The following THNSL2 variants were observed in gnomAD, a reference collection of about 807,000 sequenced individuals.
THNSL2 encodes the protein threonine synthase like 2.
A neutral mutation model predicts 40.0 loss-of-function variants in THNSL2; 34 were observed. The ratio of observed to expected loss-of-function variants is 0.85; its 90% confidence interval spans 0.65 to 1.13. THNSL2 has a LOEUF of 1.13. Ranked by LOEUF, THNSL2 falls within the 50% of genes most tolerant of loss-of-function variation. THNSL2 has a pLI of 0.00. For synonymous variants in THNSL2, 241 were observed against 247.5 expected (o/e 0.97, Z 0.25); for missense variants, 537 against 608.8 (o/e 0.88, Z 1.24).
chr2:88,185,569 GA>G (rs752110325), intron 8 of THNSL2, 90 bp downstream of exon 8: 3 of 1,551,722 alleles, frequency 1.9e-6, no homozygotes, highest in Non-Finnish European at 8.7e-7. Context: ...ACAGGACTAC[GA>G]AAAAATGGCT....
chr2:88,185,425 A>G lies in THNSL2; in HGVS notation c.1175A>G (p.His392Arg). ...GAGAACCAGTACTTGCTGTGCCCCC[A>G]CTCAGCGGTGGCCGTGAACTACCAT... ...WDENQYLLCP[H>R]SAVAVNYHYQ... is the part of the protein sequence containing the mutation. The change falls in exon 8 of 9, where the codon CAC becomes CGC. Residue 392 changes from histidine (H) to arginine (R), a missense_variant. Coordinates refer to ENST00000674334, the MANE Select transcript of THNSL2 (RefSeq NM_018271.5). The G allele has an allele frequency of 6.2e-7, 1 of 1,613,882 alleles. No individual in the cohort carries two copies. Among genetic ancestry groups the G allele is most frequent in the Non-Finnish European group, 8.5e-7 (1 of 1,179,964 alleles).
intron 1 of THNSL2, chr2:88,171,598 G>A (rs989951394): frequency 2.3e-5 from 5 of 218,986 alleles, no homozygotes; most frequent in East Asian, 2.7e-4. Context: ...GGCAGTTTGC[G>A]TTGGCTCTAA....
At position 88,183,148 on chromosome 2, in the gene THNSL2, G is replaced by A. The variant is rs1573207973; in HGVS notation, c.1077+75G>A. On this transcript the variant is annotated intron_variant, in intron 7 of 8. Transcript: ENST00000674334. ...AGCAGACTTGGGGTTTGGAAGTCTG[G>A]TCAAGGGAAGAGGACACCTGTTTCT... 3 of 1,559,266 alleles carry A rather than the reference G, an allele frequency of 1.9e-6. No individual in the cohort carries two copies. The East Asian group carries it at 6.8e-5, about 35-fold the overall frequency.
intron 4 of THNSL2, chr2:88,176,319 A>C (rs559044072): frequency 6.6e-6 from 1 of 152,254 alleles, no homozygotes; most frequent in Non-Finnish European, 1.5e-5. Flanking sequence ...CAGGCCATCT[A>C]TTCCTAATGG....
At chr2:88,171,434 C>T (rs1676364192) in intron 1 of THNSL2, 2 of 416,786 alleles carry the variant, frequency 4.8e-6, no homozygotes, top group Non-Finnish European at 9.7e-6. Context: ...ATATTCCTTC[C>T]ACCCAGGGAA....
Position 88,173,381 on chromosome 2 carries a change from C to T in THNSL2, c.223+8C>T, listed in dbSNP as rs570440662. On this transcript the variant is annotated splice_region_variant and intron_variant, in intron 2 of 8. Coordinates refer to ENST00000674334, the MANE Select transcript of THNSL2 (RefSeq NM_018271.5). ...CAAAAGATGAATTAAATGGTGAGTG[C>T]TCCCACCTGTACTTTCACTCTTCCA... 90 of 1,588,070 alleles carry T rather than the reference C, an allele frequency of 5.7e-5. No individual in the cohort carries two copies. In the South Asian group the frequency reaches 8.5e-4, roughly 15 times the overall value.
chr2:88,170,531 C>G (rs996480027), intron 1 of THNSL2, 75 bp downstream of exon 1: 1 of 152,490 alleles, frequency 6.6e-6, no homozygotes, highest in Non-Finnish European at 1.5e-5. Flanking sequence ...GCTCTCGCGG[C>G]TCCGTTCGGC....
At chr2:88,174,894 A>G (rs1168345308) in intron 3 of THNSL2, 61 bp downstream of exon 3, 8 of 1,566,018 alleles carry the variant, frequency 5.1e-6, no homozygotes, top group African/African-American at 1.4e-5. Context: ...GTGTCCACCT[A>G]TAGGATGCTG....
At position 88,174,448 on chromosome 2, in the gene THNSL2, A is replaced by T. The variant is rs185559810; in HGVS notation, c.224-191A>T. Among the ~76,000 whole-genome samples the T allele has an allele frequency of 3.9e-5, 6 of 152,350 alleles. No individual in the cohort carries two copies. In the East Asian group the frequency reaches 9.6e-4, roughly 24 times the overall value. On this transcript the variant is annotated intron_variant, in intron 2 of 8. Coordinates refer to ENST00000674334, the MANE Select transcript of THNSL2 (RefSeq NM_018271.5). ...AGGAAATCACTATAAGGAATCTATG[A>T]ACAGTTTGGTGCATGTTTTCCCAGA...
chr2:88,179,945 A>T (rs2104218502), intron 5 of THNSL2, among the ~76,000 whole-genome samples: 1 of 152,332 alleles, frequency 6.6e-6, no homozygotes, highest in Non-Finnish European at 1.5e-5. Flanking sequence ...GGCACCAAGG[A>T]TGGTCTAGCT....
rs1021403576 is a variant in THNSL2, at chr2:88,185,197, C to G, written c.1078-131C>G. On this transcript the variant is annotated intron_variant, in intron 7 of 8. Coordinates refer to ENST00000674334, the MANE Select transcript of THNSL2 (RefSeq NM_018271.5). ...GCCAGATTTTTACTGTGAGCCACAT[C>G]TGAGCCATTCGGTCTGAATGTCCCA... 3 of 1,296,936 alleles carry G rather than the reference C, an allele frequency of 2.3e-6. No individual in the cohort carries two copies. The African/African-American group carries it at 4.5e-5, about 19-fold the overall frequency. 80.3% of individuals were successfully genotyped at this position (1,296,936 alleles called of 1,614,324 possible).
chr2:88,181,114 CT>C (rs1250015155), intron 5 of THNSL2, among the ~76,000 whole-genome samples: 293 of 728 alleles, frequency 0.4, 22 homozygotes, highest in African/African-American at 0.48. Flanking sequence ...TCTCTCTCCT[CT>C]CTCTCTCCTC....
chr2:88,172,310 G>A (rs1470139465), intron 1 of THNSL2: 1 of 152,226 alleles, frequency 6.6e-6, no homozygotes, highest in Non-Finnish European at 1.5e-5. Context: ...GCTTCCCCAG[G>A]AACCAGAGAA....
chr2:88,174,901 G>A (rs921048608), intron 3 of THNSL2, 68 bp downstream of exon 3: 18 of 1,541,540 alleles, frequency 1.2e-5, no homozygotes, highest in Non-Finnish European at 1.5e-5. Context: ...CCTATAGGAT[G>A]CTGTTCATAG....
chr2:88,178,006 T>TC (rs1367789514), intron 4 of THNSL2, among the ~76,000 whole-genome samples: 12 of 152,220 alleles, frequency 7.9e-5, no homozygotes, highest in Non-Finnish European at 1.6e-4. Context: ...CTTAATGCCT[T>TC]CTCTGGCACG....
chr2:88,181,863 A>G (rs906008736), intron 5 of THNSL2, among the ~76,000 whole-genome samples: 7 of 152,266 alleles, frequency 4.6e-5, no homozygotes, highest in African/African-American at 1.7e-4. Context: ...CATTTTCTAT[A>G]AAAGGAATCA....
chr2:88,175,208 TTTGTTCTAAA>T (rs1208286345), intron 3 of THNSL2, 31 bp from the exon 4 acceptor site: 5 of 1,594,904 alleles, frequency 3.1e-6, no homozygotes, highest in Non-Finnish European at 4.3e-6. Context: ...GTTCATTCCC[TTTGTTCTAAA>T]GGGGGAGAGT....
intron 1 of THNSL2, among the ~76,000 whole-genome samples, chr2:88,170,735 T>A (rs1424264574): frequency 6.6e-6 from 1 of 152,014 alleles, no homozygotes; most frequent in East Asian, 1.9e-4. Flanking sequence ...GAGTGGAATC[T>A]CAGGCGCCTG....
chr2:88,179,323 T>C (rs1035247774), intron 5 of THNSL2, among the ~76,000 whole-genome samples: 2 of 152,204 alleles, frequency 1.3e-5, no homozygotes, highest in Non-Finnish European at 2.9e-5. Flanking sequence ...TATGGCTGGC[T>C]GGCAGTGCCC....
Sources: allele counts gnomAD v4.1 joint callset (sites outside exome capture counted in the v4.1 genomes callset), GRCh38; gene constraint gnomAD v4.1.1; transcripts MANE v1.5; gene names NCBI Gene and HGNC (gene_info 2026-07-23, HGNC 2026-07-21).